URB2: variants seen among roughly 807,000 people sequenced by gnomAD.
URB2 encodes URB2 ribosome biogenesis homolog.
In URB2, 86 loss-of-function variants were observed where a neutral mutation model predicts 120.9. The ratio of observed to expected loss-of-function variants is 0.71; its 90% confidence interval spans 0.60 to 0.85. The LOEUF is 0.85. URB2 is among the 40% of genes least tolerant of loss of function. The pLI, the probability that URB2 is intolerant of heterozygous loss-of-function variation, is 0.00. For missense variants in URB2, 1,765 were observed against 1,836.5 expected (o/e 0.96, Z 0.71); for synonymous variants, 755 against 758.4 (o/e 1.00, Z 0.07).
chr1:229,638,416 C>T (rs535880662), intron 4 of URB2, among the ~76,000 whole-genome samples, 169 bp downstream of exon 4: 9 of 151,900 alleles, frequency 5.9e-5, no homozygotes, highest in South Asian at 4.2e-4. Context: ...GAGGCCGAGG[C>T]GGGCGGATCA....
chr1:229,633,893 G>A (rs1408460829), intron 3 of URB2, among the ~76,000 whole-genome samples: 3 of 148,230 alleles, frequency 2.0e-5, no homozygotes, highest in South Asian at 4.3e-4. Flanking sequence ...GTGCAGTGGT[G>A]TGATCTTGGC....
chr1:229,633,525 C>T (rs563943920), intron 3 of URB2, among the ~76,000 whole-genome samples: 4 of 152,326 alleles, frequency 2.6e-5, no homozygotes, highest in African/African-American at 9.6e-5. Context: ...TTGGAGATCA[C>T]TGTAATAGTG....
chr1:229,643,129 T>C lies in URB2; in HGVS notation c.3635-404T>C, dbSNP rs182307025. On this transcript the variant is annotated intron_variant, in intron 4 of 9. Transcript: ENST00000258243. Reference sequence around the variant, plus strand: ...CCTCTTCATCCTCACACTGAGTAGGTTGAGGAGGAGGAAGAGGAGGGGTTG... The same window carrying C: ...CCTCTTCATCCTCACACTGAGTAGGCTGAGGAGGAGGAAGAGGAGGGGTTG... Among the ~76,000 whole-genome samples, 5 of 152,046 alleles carry C rather than the reference T, an allele frequency of 3.3e-5. No individual in the cohort carries two copies. The East Asian group carries it at 9.7e-4, about 29-fold the overall frequency.
Position 229,636,739 on chromosome 1 carries a change from G to A in URB2, c.2126G>A (p.Gly709Asp). ...AGGTGCGATGCTGCCTTTATTATTGGTTCCGGCAGAAAAAGCTTGAATCAG... is the reference window on the plus strand; with the variant it reads ...AGGTGCGATGCTGCCTTTATTATTGATTCCGGCAGAAAAAGCTTGAATCAG... ...SLRCDAAFIIGSGRKSLNQRT... is the reference protein window; with the variant it reads ...SLRCDAAFIIDSGRKSLNQRT... Residue 709 changes from glycine (G) to aspartate (D), a missense_variant, in exon 4 of 10, where the codon GGT becomes GAT. By Grantham distance (94) the Gly-to-Asp change is moderately conservative (BLOSUM62 -1). Transcript: ENST00000258243. 1.9e-6 allele frequency: 3 copies of A among 1,612,254 alleles called. No homozygotes were observed. In the African/African-American group the frequency reaches 4.0e-5, roughly 22 times the overall value.
chr1:229,653,348 T>A (rs1447899552), intron 8 of URB2, among the ~76,000 whole-genome samples: 1 of 152,208 alleles, frequency 6.6e-6, no homozygotes, highest in East Asian at 1.9e-4. Context: ...GTATAAAATT[T>A]AATGGGTTTT....
rs767066194 is a variant in URB2, at chr1:229,635,679, G to A, written c.1066G>A (p.Glu356Lys). 1 of 1,614,078 alleles carries A rather than the reference G, an allele frequency of 6.2e-7. No homozygotes were observed. The highest frequency in any genetic ancestry group is 1.7e-5 in the Admixed American group (1 of 60,010). Reference protein sequence around the residue: ...KALSTSDWTTELLVVEQLLNS... With the variant: ...KALSTSDWTTKLLVVEQLLNS... ...CCTGTCCACATCAGATTGGACCACA[G>A]AGCTTTTGGTTGTGGAACAGCTACT... is the stretch of plus-strand genomic sequence containing the variant. The change falls in exon 4 of 10, where the codon GAG becomes AAG. Residue 356 changes from glutamate to lysine, a missense_variant. Physicochemically the swap from Glu to Lys is moderately conservative, Grantham distance 56. Transcript: ENST00000258243.
chr1:229,643,618 A>AGAG lies in URB2; in HGVS notation c.3723_3725dup (p.Glu1241dup). 6.2e-7 allele frequency: 1 copy of AGAG among 1,614,244 alleles called. No individual in the cohort carries two copies. The highest frequency in any genetic ancestry group is 1.1e-5 in the South Asian group (1 of 91,082). The stretch of plus-strand genomic sequence containing the variant: ...CCCAAATGTTAGAGGTTGGGACGAC[A>AGAG]GAGGACTTGAGGCTGGTGATGCAGT... On this transcript the variant is annotated inframe_insertion, in exon 5 of 10. Transcript: ENST00000258243.
chr1:229,658,292 T>C (rs1666449906), intron 9 of URB2, among the ~76,000 whole-genome samples: 2 of 152,186 alleles, frequency 1.3e-5, no homozygotes, highest in South Asian at 2.1e-4. Flanking sequence ...GATATTAGTC[T>C]GAGTCTCTTC....
At chr1:229,629,511 TTA>T (rs1248066253) in intron 2 of URB2, among the ~76,000 whole-genome samples, 1 of 152,200 alleles carries the variant, frequency 6.6e-6, no homozygotes, top group East Asian at 1.9e-4. Context: ...CATATAAAAT[TTA>T]TGTTTATACT....
Position 229,627,697 on chromosome 1 carries a change from A to C in URB2, c.64A>C (p.Lys22Gln), listed in dbSNP as rs1665543768. 2 of 1,613,476 alleles carry C rather than the reference A, an allele frequency of 1.2e-6. No individual in the cohort carries two copies. The highest frequency in any genetic ancestry group is 2.7e-5 in the African/African-American group (2 of 74,908). The change falls in exon 2 of 10, where the codon AAA becomes CAA. Residue 22 changes from lysine (K) to glutamine (Q), a missense_variant. Physicochemically the swap from Lys to Gln is moderately conservative, Grantham distance 53 (BLOSUM62 1). Coordinates refer to ENST00000258243, the MANE Select transcript of URB2 (RefSeq NM_014777.4). ...LKSKTTSWED[K>Q]LKLAHFAWIS... Reference sequence around the variant, plus strand: ...AAGCAAGACAACTTCCTGGGAAGATAAACTAAAACTAGCTCACTTTGCTTG... The same window carrying C: ...AAGCAAGACAACTTCCTGGGAAGATCAACTAAAACTAGCTCACTTTGCTTG...
At chr1:229,640,256 A>G (rs1474533420) in intron 4 of URB2, among the ~76,000 whole-genome samples, 1 of 152,214 alleles carries the variant, frequency 6.6e-6, no homozygotes, top group African/African-American at 2.4e-5. Flanking sequence ...CAGGGGATAG[A>G]TTATAATGTT....
In URB2 at chr1:229,635,126, G is replaced by A; in HGVS notation, c.513G>A (p.Glu171=). The A allele has an allele frequency of 2.5e-6, 4 of 1,614,068 alleles. No individual in the cohort carries two copies. Among genetic ancestry groups the A allele is most frequent in the Non-Finnish European group, 3.4e-6 (4 of 1,179,964 alleles). ...GAGCTGTGGTAGCCCAGTTGTTTGA[G>A]GTCATTCACCTGGCCCTTGGCCATT... ...PEGAVVAQLF[E]VIHLALGHYL... Residue 171 remains glutamate (E), a synonymous_variant, in exon 4 of 10, where the codon GAG becomes GAA. Coordinates refer to ENST00000258243, the MANE Select transcript of URB2 (RefSeq NM_014777.4).
intron 9 of URB2, among the ~76,000 whole-genome samples, chr1:229,656,528 AT>A (rs1171271791): frequency 2.0e-5 from 3 of 152,248 alleles, no homozygotes; most frequent in African/African-American, 7.2e-5. Context: ...AAATTCAGCA[AT>A]GAAGAAAATA....
intron 3 of URB2, among the ~76,000 whole-genome samples, chr1:229,634,315 C>T (rs1295840407): frequency 6.6e-6 from 1 of 151,668 alleles, no homozygotes; most frequent in Non-Finnish European, 1.5e-5. Context: ...AAGCAGTTCT[C>T]CTGCCTCAGC....
rs758261963 is a variant in URB2 at position 229,643,624 on chromosome 1, C to G, written c.3726C>G (p.Asp1242Glu). 3.1e-6 allele frequency: 5 copies of G among 1,614,098 alleles called. No individual in the cohort carries two copies. Among genetic ancestry groups the G allele is most frequent in the African/African-American group, 2.7e-5 (2 of 74,920 alleles). The change falls in exon 5 of 10, where the codon GAC (aspartate) becomes GAG (glutamate). Residue 1242 changes from aspartate to glutamate, a missense_variant. Physicochemically the swap from Asp to Glu is conservative, Grantham distance 45. Transcript: ENST00000258243. ...TGTTAGAGGTTGGGACGACAGAGGA[C>G]TTGAGGCTGGTGATGCAGTGTATTC... ...TQMLEVGTTE[D>E]LRLVMQCILQ...
intron 9 of URB2, among the ~76,000 whole-genome samples, chr1:229,655,650 T>G (rs1383839885): frequency 6.6e-6 from 1 of 152,238 alleles, no homozygotes; most frequent in East Asian, 1.9e-4. Flanking sequence ...TGTATAAATC[T>G]TGGTTTAAAT....
At chr1:229,651,003 G>A (rs1666253859) in intron 7 of URB2, 1 of 275,494 alleles carries the variant, frequency 3.6e-6, no homozygotes, top group Admixed American at 4.9e-5. Context: ...TACGCAGTGT[G>A]GGTTCTCTAC....
intron 4 of URB2, among the ~76,000 whole-genome samples, chr1:229,639,715 C>G (rs1399818753): frequency 2.6e-5 from 4 of 152,118 alleles, no homozygotes; most frequent in Non-Finnish European, 1.5e-5. Flanking sequence ...CCTGTCCCCC[C>G]ACCATATTAG....
In URB2 at chr1:229,636,768, A is replaced by G; in HGVS notation, c.2155A>G (p.Thr719Ala). The G allele has an allele frequency of 1.2e-6, 2 of 1,612,160 alleles. No homozygotes were observed. Among genetic ancestry groups the G allele is most frequent in the Non-Finnish European group, 1.7e-6 (2 of 1,178,590 alleles). ...CGGCAGAAAAAGCTTGAATCAGAGAACGACGGCTTCCTGGGATGGCCAAGT... is the reference window on the plus strand; with the variant it reads ...CGGCAGAAAAAGCTTGAATCAGAGAGCGACGGCTTCCTGGGATGGCCAAGT... ...GSGRKSLNQR[T>A]TASWDGQVGM... Residue 719 changes from threonine to alanine, a missense_variant, in exon 4 of 10, where the codon ACG (threonine) becomes GCG (alanine). Coordinates refer to ENST00000258243, the MANE Select transcript of URB2 (RefSeq NM_014777.4).
Sources: gnomAD v4.1 joint callset for allele counts (sites outside exome capture counted in the v4.1 genomes callset) on GRCh38, gnomAD v4.1.1 for gene constraint, MANE v1.5 for transcripts, NCBI Gene and HGNC (gene_info 2026-07-23, HGNC 2026-07-21) for gene names.